Variants in NCOA6 observed in about 807,000 individuals in gnomAD.
The protein encoded by NCOA6 is NRC RAP250.
NCOA6 carries 49 observed loss-of-function variants against 171.4 expected under a neutral mutation model. That is an observed-to-expected ratio of 0.29 (90% CI 0.23 to 0.36). The LOEUF (loss-of-function observed/expected upper bound fraction) is 0.36. Among genes scored for constraint, NCOA6 ranks in the 10% least tolerant of loss-of-function variants. The pLI is 1.00. For missense variants in NCOA6, 2,248 were observed against 2,554.5 expected (o/e 0.88, Z 2.59); for synonymous variants, 910 against 927.5 (o/e 0.98, Z 0.34).
rs756637543 is a variant in NCOA6 at position 34,742,597 on chromosome 20, T to C, written c.3659A>G (p.Tyr1220Cys). The C allele has an allele frequency of 1.3e-5, 21 of 1,613,996 alleles. No homozygotes were observed. Among genetic ancestry groups the C allele is most frequent in the South Asian group, 3.3e-5 (3 of 91,084 alleles). Reference sequence around the variant, plus strand: ...GCGGTTGTTGGGTGTCTGAGGATAATAGGGTCTGGGGCTGGCTCTGTTTGG... The same window carrying C: ...GCGGTTGTTGGGTGTCTGAGGATAACAGGGTCTGGGGCTGGCTCTGTTTGG... ...KTPNRASPRP[Y>C]YPQTPNNRPP... The change falls in exon 11 of 15, where the codon TAT becomes TGT. Residue 1220 changes from tyrosine (Y) to cysteine (C), a missense_variant. Tyr to Cys is a radical substitution (Grantham distance 194). This residue lies in a region of NCOA6 where 352 missense variants were observed against 419.1 expected (regional missense o/e 0.84). Coordinates refer to ENST00000359003, the MANE Select transcript of NCOA6 (RefSeq NM_014071.5).
At chr20:34,777,266 T>C (rs1264308735) in intron 3 of NCOA6, among the ~76,000 whole-genome samples, 1 of 152,028 alleles carries the variant, frequency 6.6e-6, no homozygotes, top group African/African-American at 2.4e-5. Context: ...ACCATTACCA[T>C]GGCTACTATC....
chr20:34,754,796 G>A lies in NCOA6; in HGVS notation c.1601C>T (p.Pro534Leu), dbSNP rs1193602961. Residue 534 changes from proline to leucine, a missense_variant, in exon 8 of 15, where the codon CCT (proline) becomes CTT (leucine). Pro to Leu is a moderately conservative substitution (Grantham distance 98). Around this residue, in one of 7 missense-constraint regions of NCOA6, gnomAD observed 987 missense variants for 1,104.7 expected, o/e 0.89. Coordinates refer to ENST00000359003, the MANE Select transcript of NCOA6 (RefSeq NM_014071.5). ...CCCAGGGGTGGTTGCTGTGGTCGAA[G>A]GCACCTGACCTTGCATAAAGTTCGG... ...ANPNFMQGQV[P>L]STTATTPGNS... The A allele has an allele frequency of 6.2e-7, 1 of 1,614,188 alleles. No individual in the cohort carries two copies. Among genetic ancestry groups the A allele is most frequent in the Non-Finnish European group, 8.5e-7 (1 of 1,180,036 alleles).
chr20:34,810,788 C>T (rs983905097), intron 1 of NCOA6, among the ~76,000 whole-genome samples: 1 of 152,134 alleles, frequency 6.6e-6, no homozygotes, highest in African/African-American at 2.4e-5. Context: ...TTGTGATCTG[C>T]CCACCTTGGC....
In NCOA6 at chr20:34,749,802, G is replaced by A. The variant is rs747133788; in HGVS notation, c.2393C>T (p.Ala798Val). ...AGTAGCAGGATCACCATGCTGCTGG[G>A]CCATGTGTGGGCTGGGCCCTGGTGG... The part of the protein sequence containing the change: ...LRPPGPSPHM[A>V]QQHGDPATTA... The change falls in exon 9 of 15, where the codon GCC (alanine) becomes GTC (valine). Residue 798 changes from alanine to valine, a missense_variant. By Grantham distance (64) the Ala-to-Val change is moderately conservative (BLOSUM62 0). Around this residue, in one of 7 missense-constraint regions of NCOA6, gnomAD observed 987 missense variants for 1,104.7 expected, o/e 0.89. Coordinates refer to ENST00000359003, the MANE Select transcript of NCOA6 (RefSeq NM_014071.5). 12 of 1,614,232 alleles carry A rather than the reference G, an allele frequency of 7.4e-6. No homozygotes were observed. The highest frequency in any genetic ancestry group is 4.4e-5 in the South Asian group (4 of 91,084).
At chr20:34,788,942 A>AAAAT (rs886852793) in intron 2 of NCOA6, among the ~76,000 whole-genome samples, 35 of 152,182 alleles carry the variant, frequency 2.3e-4, no homozygotes, top group Non-Finnish European at 3.1e-4. Context: ...CTCCGTCTCA[A>AAAAT]AAATAAATAA....
At chr20:34,734,865 C>G (rs1294197128) in intron 12 of NCOA6, among the ~76,000 whole-genome samples, 1 of 152,090 alleles carries the variant, frequency 6.6e-6, no homozygotes, top group Non-Finnish European at 1.5e-5. Context: ...TCTGGGTGGT[C>G]TCAAACTCCC....
At chr20:34,716,940 GA>G (rs1030894708) in intron 14 of NCOA6, among the ~76,000 whole-genome samples, 24 of 151,858 alleles carry the variant, frequency 1.6e-4, no homozygotes, top group East Asian at 5.8e-4. Context: ...TCATCAAGGA[GA>G]AAAAAAATGC....
intron 10 of NCOA6, 28 bp downstream of exon 10, chr20:34,746,779 G>A: frequency 1.9e-6 from 3 of 1,592,452 alleles, no homozygotes; most frequent in Non-Finnish European, 2.6e-6. Flanking sequence ...CATGTAATAA[G>A]TATATAATCT....
In NCOA6 at chr20:34,718,485, T is replaced by G. The variant is rs1988881292; in HGVS notation, c.6149-3120A>C. Reference sequence around the variant, plus strand: ...CTAATGAATAGGCAAATCACCTTTTTTTTTTTTTGAGATGGAGTCTTGCAA... The same window carrying G: ...CTAATGAATAGGCAAATCACCTTTTGTTTTTTTTGAGATGGAGTCTTGCAA... On this transcript the variant is annotated intron_variant, in intron 14 of 14. Coordinates refer to ENST00000359003, the MANE Select transcript of NCOA6 (RefSeq NM_014071.5). 2.0e-5 allele frequency among the ~76,000 whole-genome samples: 3 copies of G among 152,188 alleles called. No individual in the cohort carries two copies. The South Asian group carries it at 6.2e-4, about 32-fold the overall frequency.
chr20:34,716,417 G>A (rs1988609012), intron 14 of NCOA6, among the ~76,000 whole-genome samples: 1 of 152,120 alleles, frequency 6.6e-6, no homozygotes, highest in South Asian at 2.1e-4. Context: ...TACTATCAGT[G>A]TTTTAACTTA....
intron 9 of NCOA6, among the ~76,000 whole-genome samples, chr20:34,747,935 T>G (rs1265647349): frequency 6.6e-6 from 1 of 152,102 alleles, no homozygotes; most frequent in Non-Finnish European, 1.5e-5. Context: ...ATGTTATGAA[T>G]GAGAAAACTA....
intron 14 of NCOA6, among the ~76,000 whole-genome samples, chr20:34,720,474 T>A (rs555271115): frequency 3.3e-5 from 5 of 152,336 alleles, no homozygotes; most frequent in African/African-American, 1.2e-4. Context: ...GCCAGCATGA[T>A]GTAAGCAAAC....
chr20:34,741,722 C>T lies in NCOA6; in HGVS notation c.4534G>A (p.Asp1512Asn), dbSNP rs943790883. The change falls in exon 11 of 15, where the codon GAT (aspartate) becomes AAT (asparagine). Residue 1512 changes from aspartate (D) to asparagine (N), a missense_variant. Asp to Asn is a conservative substitution (Grantham distance 23). Transcript: ENST00000359003. ...NVTIKPPGLT[D>N]LEVTPPVVSG... ...ACTACTGGAGGTGTTACTTCCAGATCTGTAAGCCCAGGGGGTTTAATTGTC... is the reference window on the plus strand; with the variant it reads ...ACTACTGGAGGTGTTACTTCCAGATTTGTAAGCCCAGGGGGTTTAATTGTC... 3 of 1,614,052 alleles carry T rather than the reference C, an allele frequency of 1.9e-6. No individual in the cohort carries two copies. Among genetic ancestry groups the T allele is most frequent in the African/African-American group, 1.3e-5 (1 of 74,926 alleles).
intron 1 of NCOA6, among the ~76,000 whole-genome samples, chr20:34,793,171 C>T (rs1260583919): frequency 1.3e-5 from 2 of 152,086 alleles, no homozygotes; most frequent in Non-Finnish European, 2.9e-5. Context: ...ACTTAAGAAT[C>T]ATAAAACTGT....
chr20:34,723,593 T>A (rs180675390), intron 14 of NCOA6, among the ~76,000 whole-genome samples: 1 of 152,322 alleles, frequency 6.6e-6, no homozygotes, highest in Admixed American at 6.5e-5. Flanking sequence ...TTATGGCCTC[T>A]TCTAAGCCAA....
rs193141711 is a variant in NCOA6 at position 34,767,536 on chromosome 20, T to G, written c.514+928A>C. 2.6e-4 allele frequency among the ~76,000 whole-genome samples: 39 copies of G among 152,238 alleles called. No individual in the cohort carries two copies. The East Asian group carries it at 7.3e-3, about 29-fold the overall frequency. ...GTCTCGAACCCCTGACCTCAGGTGA[T>G]CCACCTGCCTCGGCCTCCCAAAGTG... On this transcript the variant is annotated intron_variant, in intron 5 of 14. Coordinates refer to ENST00000359003, the MANE Select transcript of NCOA6 (RefSeq NM_014071.5).
At chr20:34,794,959 G>A (rs1424998809) in intron 1 of NCOA6, among the ~76,000 whole-genome samples, 1 of 152,100 alleles carries the variant, frequency 6.6e-6, no homozygotes, top group Non-Finnish European at 1.5e-5. Context: ...CATCATTGGA[G>A]GTAACTATGA....
At chr20:34,771,847 G>C (rs1344051581) in intron 4 of NCOA6, among the ~76,000 whole-genome samples, 1 of 152,134 alleles carries the variant, frequency 6.6e-6, no homozygotes, top group Non-Finnish European at 1.5e-5. Context: ...TCTTATCCAA[G>C]GTTAGGTAAC....
intron 2 of NCOA6, among the ~76,000 whole-genome samples, chr20:34,785,919 T>C (rs998768819): frequency 2.6e-5 from 4 of 151,084 alleles, no homozygotes; most frequent in African/African-American, 9.7e-5. Context: ...AGTCAGTCTA[T>C]GAAAAATTGC....
Sources: gnomAD v4.1 joint callset for allele counts (sites outside exome capture counted in the v4.1 genomes callset) on GRCh38, gnomAD v4.1.1 for gene constraint, gnomAD v4.1.1 regional missense constraint, MANE v1.5 for transcripts, NCBI Gene and HGNC (gene_info 2026-07-23, HGNC 2026-07-21) for gene names.